SLC8B1: variants seen among roughly 807,000 people sequenced by gnomAD.
The protein encoded by SLC8B1 is mitochondrial sodium/calcium exchanger protein.
SLC8B1 carries 52 observed loss-of-function variants against 63.4 expected under a neutral mutation model. The observed-to-expected ratio is 0.82, with a 90% CI of 0.66 to 1.03. The LOEUF is 1.03. SLC8B1 is among the 50% of genes least tolerant of loss of function. The probability of loss-of-function intolerance (pLI) is 0.00; values close to 1 mark genes in which losing one functional copy is unlikely to be tolerated. For missense variants in SLC8B1, 657 were observed against 741.7 expected (o/e 0.89, Z 1.33); for synonymous variants, 336 against 323.9 (o/e 1.04, Z -0.40).
chr12:113,334,282 A>G (rs924912201), intron 1 of SLC8B1, among the ~76,000 whole-genome samples, 161 bp downstream of exon 1: 1 of 152,148 alleles, frequency 6.6e-6, no homozygotes, highest in African/African-American at 2.4e-5. Flanking sequence ...TACGATGAGT[A>G]TGTCTTATTT....
At chr12:113,310,535 AAG>A (rs1232276332) in intron 11 of SLC8B1, among the ~76,000 whole-genome samples, 180 bp from the exon 12 acceptor site, 1 of 152,226 alleles carries the variant, frequency 6.6e-6, no homozygotes, top group African/African-American at 2.4e-5. Context: ...TTGAAAGAAA[AAG>A]AGAGACACAC....
rs779944692 is a variant in SLC8B1 at position 113,320,560 on chromosome 12, C to A, written c.526+21G>T. ...CCTCTCCTGCTGCTTTCCCCGCCCC[C>A]CTCACTGGGGCTGCTCTCACCAAAC... On this transcript the variant is annotated intron_variant, in intron 6 of 15. Transcript: ENST00000680972. This position sits in a 1 kb window ranked among gnomAD's most constrained non-coding sequence, Gnocchi z 5.3. 8.1e-6 allele frequency: 13 copies of A among 1,613,884 alleles called. No individual in the cohort carries two copies. Among genetic ancestry groups the A allele is most frequent in the African/African-American group, 1.3e-5 (1 of 74,938 alleles).
intron 12 of SLC8B1, chr12:113,308,311 A>G (rs573082638): frequency 6.5e-6 from 1 of 152,868 alleles, no homozygotes; most frequent in Non-Finnish European, 1.5e-5. Flanking sequence ...ATGCCAGTGT[A>G]CTCTAGCCTG....
At chr12:113,324,329 A>AAAAC (rs1566242007) in intron 2 of SLC8B1, among the ~76,000 whole-genome samples, 17 of 143,092 alleles carry the variant, frequency 1.2e-4, no homozygotes, top group African/African-American at 4.1e-4. Flanking sequence ...ACAAACAAAC[A>AAAAC]AAAAAAAAAA....
rs375299683 is a variant in SLC8B1 at position 113,316,686 on chromosome 12, G to A, written c.863-30C>T. On this transcript the variant is annotated intron_variant, in intron 9 of 15. Transcript: ENST00000680972. ...GTGCAGGGGTCGGGTGGTGAGGTGT[G>A]CCTGCGGCTGACTTGCTCTCCAGGA... 66 of 1,607,930 alleles carry A rather than the reference G, an allele frequency of 4.1e-5. No homozygotes were observed. The African/African-American group carries it at 8.3e-4, about 20-fold the overall frequency.
At chr12:113,303,976 G>A (rs539741343) in intron 15 of SLC8B1, among the ~76,000 whole-genome samples, 1 of 152,276 alleles carries the variant, frequency 6.6e-6, no homozygotes. Context: ...CACCTCTTGG[G>A]TTCAAGTGAT....
chr12:113,319,737 C>T (rs967948263), intron 7 of SLC8B1, among the ~76,000 whole-genome samples: 7 of 152,192 alleles, frequency 4.6e-5, no homozygotes, highest in South Asian at 4.1e-4. Context: ...TGTCACGATC[C>T]GGGTGGCCCC....
chr12:113,332,669 T>C, intron 2 of SLC8B1, 54 bp downstream of exon 2: 1 of 1,560,658 alleles, frequency 6.4e-7, no homozygotes, highest in Non-Finnish European at 8.7e-7. Context: ...TAGATATTTA[T>C]CGATTGGAGG....
intron 2 of SLC8B1, among the ~76,000 whole-genome samples, chr12:113,331,692 C>T (rs116381800): frequency 0.01 from 1,580 of 152,210 alleles, 26 homozygotes; most frequent in African/African-American, 0.036. Context: ...CTGACCTCCT[C>T]GCTCTTCAGC....
chr12:113,318,889 C>A, intron 8 of SLC8B1, 75 bp downstream of exon 8: 2 of 1,164,550 alleles, frequency 1.7e-6, no homozygotes, highest in Non-Finnish European at 1.3e-6. Context: ...CCTCAGGAGA[C>A]CCTGGGCAGC....
At chr12:113,307,941 C>T in intron 12 of SLC8B1, 97 bp from the exon 13 acceptor site, 1 of 1,417,910 alleles carries the variant, frequency 7.1e-7, no homozygotes, top group South Asian at 1.3e-5. Context: ...ACAGTATCTA[C>T]CTCATGAGCT....
In SLC8B1 at chr12:113,320,195, T is replaced by C; in HGVS notation, c.694+136A>G. 7.1e-6 allele frequency: 8 copies of C among 1,122,646 alleles called. No individual in the cohort carries two copies. Among genetic ancestry groups the C allele is most frequent in the Non-Finnish European group, 1.0e-5 (8 of 790,452 alleles). The allele number at this position is 1,122,646 out of a possible 1,614,324, so 69.5% of individuals were successfully genotyped here. A position where few individuals can be genotyped will look rare whatever the true frequency, so the allele number is the denominator to read the frequency against. On this transcript the variant is annotated intron_variant, in intron 7 of 15. Coordinates refer to ENST00000680972, the MANE Select transcript of SLC8B1 (RefSeq NM_001358345.2). This position sits in a 1 kb window ranked among gnomAD's most constrained non-coding sequence, Gnocchi z 5.3. ...GTTCCCATTTTTGCTCAAGCCAGCT[T>C]GAGGAGGGTTTCTGTCACTTGTAAT...
chr12:113,304,157 G>C (rs1278444875), intron 15 of SLC8B1, among the ~76,000 whole-genome samples, 164 bp downstream of exon 15: 2 of 152,146 alleles, frequency 1.3e-5, no homozygotes, highest in Non-Finnish European at 2.9e-5. Context: ...TGGGATTACA[G>C]GCATGAGCTA....
Position 113,316,997 on chromosome 12 carries a change from G to T in SLC8B1, c.807C>A (p.Ile269=). Residue 269 remains isoleucine, a synonymous_variant, in exon 9 of 16, where the codon ATC becomes ATA. Transcript: ENST00000680972. Reference sequence around the variant, plus strand: ...CCCGGTCCTCCTCGGAGTCTGAGAGGATCTCTGCAGGAGAGAGGCCCAGTT... The same window carrying T: ...CCCGGTCCTCCTCGGAGTCTGAGAGTATCTCTGCAGGAGAGAGGCCCAGTT... ...LFCPMPVTPE[I]LSDSEEDRVS... 1.2e-6 allele frequency: 2 copies of T among 1,612,568 alleles called. No homozygotes were observed. The highest frequency in any genetic ancestry group is 1.7e-6 in the Non-Finnish European group (2 of 1,179,518).
chr12:113,312,678 A>G (rs1449695848), intron 11 of SLC8B1, among the ~76,000 whole-genome samples: 1 of 152,106 alleles, frequency 6.6e-6, no homozygotes, highest in East Asian at 1.9e-4. Context: ...CCCAGGGTGG[A>G]CCTGCTACCA....
At position 113,306,765 on chromosome 12, in the gene SLC8B1, T is replaced by C. The variant is rs1167048908; in HGVS notation, c.1412-190A>G. On this transcript the variant is annotated intron_variant, in intron 13 of 15. Transcript: ENST00000680972. The stretch of plus-strand genomic sequence containing the variant: ...ATCTGGGAAGACACACTTCCCTCCT[T>C]AATTCCTTTACCCCACTCTTTCACA... The C allele has an allele frequency of 8.6e-6, 5 of 578,480 alleles. No homozygotes were observed. In the African/African-American group the frequency reaches 9.3e-5, roughly 11 times the overall value. The allele number at this position is 578,480 out of a possible 1,614,324, so 35.8% of individuals were successfully genotyped here.
Position 113,334,539 on chromosome 12 carries a change from G to A in SLC8B1, c.-179C>T, listed in dbSNP as rs1188755022. ...TCTATTTGGCACCAAGTTCAAACAGGACACCCCTGGTTTCAAATTCGTCTC... is the reference window on the plus strand; with the variant it reads ...TCTATTTGGCACCAAGTTCAAACAGAACACCCCTGGTTTCAAATTCGTCTC... On this transcript the variant is annotated 5_prime_UTR_variant, in exon 1 of 16. Coordinates refer to ENST00000680972, the MANE Select transcript of SLC8B1 (RefSeq NM_001358345.2). The A allele has an allele frequency of 3.3e-5, 5 of 152,120 alleles. No individual in the cohort carries two copies. Among genetic ancestry groups the A allele is most frequent in the Non-Finnish European group, 7.4e-5 (5 of 68,018 alleles). 9.4% of individuals were successfully genotyped at this position (152,120 alleles called of 1,614,324 possible).
chr12:113,330,736 G>A (rs1423746022), intron 2 of SLC8B1, among the ~76,000 whole-genome samples: 1 of 152,132 alleles, frequency 6.6e-6, no homozygotes, highest in African/African-American at 2.4e-5. Flanking sequence ...GTTTCACAGG[G>A]TGGACTTGAA....
chr12:113,316,822 G>A (rs1237158795), intron 9 of SLC8B1, 120 bp downstream of exon 9: 4 of 1,473,088 alleles, frequency 2.7e-6, no homozygotes, highest in Non-Finnish European at 3.7e-6. Flanking sequence ...GAGCTGCAGT[G>A]AGAGGTGGGG....
Sources: gnomAD v4.1 joint callset for allele counts (sites outside exome capture counted in the v4.1 genomes callset) on GRCh38, gnomAD v4.1.1 for gene constraint, Gnocchi (gnomAD v3.1) non-coding constraint, MANE v1.5 for transcripts, NCBI Gene and HGNC (gene_info 2026-07-23, HGNC 2026-07-21) for gene names.